Variants in AKAP13 observed in about 807,000 individuals in gnomAD.
AKAP13 encodes A-kinase anchor protein 13.
A neutral mutation model predicts 264.5 loss-of-function variants in AKAP13; 80 were observed. That is an observed-to-expected ratio of 0.30 (90% CI 0.25 to 0.36). The LOEUF (loss-of-function observed/expected upper bound fraction) is 0.36. Among genes scored for constraint, AKAP13 ranks in the 10% least tolerant of loss-of-function variants. The probability of loss-of-function intolerance (pLI) is 1.00; values close to 1 mark genes in which losing one functional copy is unlikely to be tolerated. For missense variants in AKAP13, 3,712 were observed against 3,435.2 expected (o/e 1.08, Z -2.01); for synonymous variants, 1,380 against 1,250.2 (o/e 1.10, Z -2.19).
chr15:85,414,103 T>C (rs907526193), intron 1 of AKAP13, among the ~76,000 whole-genome samples: 3 of 152,242 alleles, frequency 2.0e-5, no homozygotes, highest in South Asian at 2.1e-4. Context: ...GTTTAACTTA[T>C]GTGTTATTCC....
intron 1 of AKAP13, among the ~76,000 whole-genome samples, chr15:85,417,211 G>A (rs1312573352): frequency 1.3e-5 from 2 of 152,144 alleles, no homozygotes; most frequent in African/African-American, 4.8e-5. Flanking sequence ...TTTATCCTAG[G>A]CAGGAGCCAG....
At chr15:85,603,996 C>A (rs2080205927) in intron 8 of AKAP13, among the ~76,000 whole-genome samples, 1 of 152,158 alleles carries the variant, frequency 6.6e-6, no homozygotes, top group South Asian at 2.1e-4. Context: ...TCACACATGG[C>A]AGACATTTAT....
At chr15:85,415,007 T>C (rs766582135) in intron 1 of AKAP13, among the ~76,000 whole-genome samples, 1 of 152,128 alleles carries the variant, frequency 6.6e-6, no homozygotes, top group Non-Finnish European at 1.5e-5. Context: ...GTCAACTGTT[T>C]TGGTTGGGTT....
intron 11 of AKAP13, among the ~76,000 whole-genome samples, chr15:85,657,744 A>G (rs1352871028): frequency 6.7e-6 from 1 of 149,636 alleles, no homozygotes; most frequent in Non-Finnish European, 1.5e-5. Context: ...ATTCAGAGCA[A>G]CAGAAAATGT....
rs532922292 is a variant in AKAP13 at position 85,486,611 on chromosome 15, T to C, written c.33+858T>C. 6.6e-5 allele frequency among the ~76,000 whole-genome samples: 10 copies of C among 152,316 alleles called. 1 individual carries two copies. The South Asian group carries it at 1.4e-3, about 22-fold the overall frequency. On this transcript the variant is annotated intron_variant, in intron 2 of 36. Coordinates refer to ENST00000394518, the MANE Select transcript of AKAP13 (RefSeq NM_007200.5). ...AAGTCGATTCCTTTCATTTAGGTTG[T>C]TTTTGATTTCTTTCAACAGTGTTTG...
intron 1 of AKAP13, among the ~76,000 whole-genome samples, chr15:85,458,568 A>G (rs1242993412): frequency 1.3e-5 from 2 of 151,972 alleles, no homozygotes; most frequent in Non-Finnish European, 2.9e-5. Context: ...TTTTAATAGT[A>G]TAAATAAAAT....
chr15:85,385,819 A>G (rs2070530551), intron 1 of AKAP13, among the ~76,000 whole-genome samples: 1 of 152,074 alleles, frequency 6.6e-6, no homozygotes, highest in Non-Finnish European at 1.5e-5. Context: ...TGTCTTAATA[A>G]TGTCTTTTTT....
intron 26 of AKAP13, among the ~76,000 whole-genome samples, chr15:85,723,788 T>C (rs1481149922): frequency 6.6e-6 from 1 of 152,214 alleles, no homozygotes; most frequent in African/African-American, 2.4e-5. Context: ...TCCAGACACC[T>C]AATAGAAAGT....
intron 7 of AKAP13, chr15:85,582,884 T>C (rs772831965): frequency 7.1e-6 from 7 of 985,552 alleles, no homozygotes; most frequent in Non-Finnish European, 8.4e-6. Flanking sequence ...TTTATCTTGG[T>C]GAAGCAGCTG....
intron 1 of AKAP13, among the ~76,000 whole-genome samples, chr15:85,477,637 G>GA (rs1309806715): frequency 0.012 from 576 of 49,690 alleles, no homozygotes; most frequent in East Asian, 0.023. Flanking sequence ...TTAAAAAAAG[G>GA]AAAAAAAAAA....
chr15:85,644,431 G>A (rs1050861824), intron 9 of AKAP13, among the ~76,000 whole-genome samples: 5 of 151,142 alleles, frequency 3.3e-5, no homozygotes, highest in Admixed American at 1.3e-4. Context: ...TAGTAGAGAC[G>A]GGGTTTCACC....
At position 85,581,206 on chromosome 15, in the gene AKAP13, G is replaced by C. The variant is rs1230981320; in HGVS notation, c.3138G>C (p.Leu1046=). The change falls in exon 7 of 37, where the codon CTG becomes CTC. Residue 1046 remains leucine, a synonymous_variant. Coordinates refer to ENST00000394518, the MANE Select transcript of AKAP13 (RefSeq NM_007200.5). ...EHNSSALLPC[L]LPDGSDGSDA... ...ACAGCTCCGCTCTGTTGCCATGTCTGTTGCCAGATGGGTCTGATGGGTCCG... is the reference window on the plus strand; with the variant it reads ...ACAGCTCCGCTCTGTTGCCATGTCTCTTGCCAGATGGGTCTGATGGGTCCG... 1 of 1,614,182 alleles carries C rather than the reference G, an allele frequency of 6.2e-7. No individual in the cohort carries two copies. The highest frequency in any genetic ancestry group is 8.5e-7 in the Non-Finnish European group (1 of 1,180,036).
rs569119994 is a variant in AKAP13, at chr15:85,566,668, C to G, written c.663-8463C>G. Among the ~76,000 whole-genome samples, 63 of 150,276 alleles carry G rather than the reference C, an allele frequency of 4.2e-4. No individual in the cohort carries two copies. In the Middle Eastern group the frequency reaches 0.014, roughly 32 times the overall value. On this transcript the variant is annotated intron_variant, in intron 5 of 36. Transcript: ENST00000394518. ...TTTAAATGGAGTCTCGCTCTGTTGC[C>G]CAGGCTGGAGTGCAGTGGTGCAGCC...
At chr15:85,487,107 A>G (rs1222436107) in intron 2 of AKAP13, among the ~76,000 whole-genome samples, 1 of 152,188 alleles carries the variant, frequency 6.6e-6, no homozygotes, top group East Asian at 1.9e-4. Context: ...CCCTGAAACT[A>G]TAGCCTTGTG....
intron 2 of AKAP13, among the ~76,000 whole-genome samples, chr15:85,488,088 G>A (rs1305555253): frequency 1.3e-5 from 2 of 152,050 alleles, no homozygotes. Flanking sequence ...TTGTAGAGAC[G>A]AGATCTGACT....
intron 1 of AKAP13, among the ~76,000 whole-genome samples, chr15:85,412,378 C>T (rs925935562): frequency 2.6e-5 from 4 of 152,130 alleles, no homozygotes; most frequent in Non-Finnish European, 4.4e-5. Flanking sequence ...ACAGTGTAAC[C>T]GTTTGAATGC....
intron 5 of AKAP13, among the ~76,000 whole-genome samples, chr15:85,567,334 T>C (rs2078640438): frequency 6.6e-6 from 1 of 151,742 alleles, no homozygotes. Flanking sequence ...TCTGGATCTC[T>C]TGACCTTGTG....
At chr15:85,500,488 AGTC>A (rs1187182050) in intron 2 of AKAP13, among the ~76,000 whole-genome samples, 1 of 152,222 alleles carries the variant, frequency 6.6e-6, no homozygotes, top group African/African-American at 2.4e-5. Flanking sequence ...AGATTCGTGA[AGTC>A]AGCCCACTGA....
chr15:85,743,064 C>T (rs943824135), intron 35 of AKAP13, among the ~76,000 whole-genome samples: 1 of 152,102 alleles, frequency 6.6e-6, no homozygotes, highest in East Asian at 1.9e-4. Context: ...GTAAGCTCGG[C>T]TTTTCCACTT....
Sources: allele counts gnomAD v4.1 joint callset (sites outside exome capture counted in the v4.1 genomes callset), GRCh38; gene constraint gnomAD v4.1.1; transcripts MANE v1.5; gene names NCBI Gene and HGNC (gene_info 2026-07-23, HGNC 2026-07-21).